ERBIN: variants seen among roughly 807,000 people sequenced by gnomAD.
The protein encoded by ERBIN is erbb2 interacting protein.
ERBIN carries 60 observed loss-of-function variants against 158.4 expected under a neutral mutation model. That is an observed-to-expected ratio of 0.38 (90% CI 0.31 to 0.47). ERBIN has a LOEUF of 0.47. ERBIN is among the 20% of genes least tolerant of loss of function. The pLI is 0.99. For missense variants in ERBIN, 1,610 were observed against 1,648.0 expected, an observed-to-expected ratio of 0.98 and a Z score of 0.40; for synonymous variants, 594 against 557.2, an observed-to-expected ratio of 1.07 and a Z score of -0.93.
At chr5:66,011,932 CTAGT>C in intron 4 of ERBIN, 113 bp from the exon 5 acceptor site, 2 of 558,962 alleles carry the variant, frequency 3.6e-6, no homozygotes, top group South Asian at 6.4e-5. Context: ...GTCAGTTCAT[CTAGT>C]TCCTTGTTAA....
At chr5:66,045,668 TC>T (rs1758363414) in intron 17 of ERBIN, among the ~76,000 whole-genome samples, 1 of 152,188 alleles carries the variant, frequency 6.6e-6, no homozygotes, top group Admixed American at 6.5e-5. Flanking sequence ...AAACAAATAA[TC>T]AGTGAAGTCC....
chr5:65,985,628 A>G (rs549433284), intron 1 of ERBIN, among the ~76,000 whole-genome samples: 8 of 152,240 alleles, frequency 5.3e-5, no homozygotes, highest in Non-Finnish European at 1.0e-4. Flanking sequence ...TACGAAAATT[A>G]TCAATGAGCT....
At chr5:65,993,446 T>C (rs953510776) in intron 3 of ERBIN, among the ~76,000 whole-genome samples, 5 of 152,198 alleles carry the variant, frequency 3.3e-5, no homozygotes, top group Non-Finnish European at 7.3e-5. Context: ...GTTGGTTTGT[T>C]GCCATGAAAC....
At chr5:65,977,885 G>T (rs948282067) in intron 1 of ERBIN, among the ~76,000 whole-genome samples, 2 of 151,780 alleles carry the variant, frequency 1.3e-5, no homozygotes. Flanking sequence ...CTGAGTGAAC[G>T]AGACTCCGTC....
chr5:66,025,935 T>C lies in ERBIN; in HGVS notation c.978T>C (p.Thr326=). ...SSIGQLTNLR[T]FAADHNYLQQ... is the part of the protein sequence containing the mutation. The stretch of plus-strand genomic sequence containing the variant: ...TTGGGCAGCTTACTAACTTAAGAAC[T>C]TTTGCTGCTGATCATAATTACTTAC... Residue 326 remains threonine, a synonymous_variant, in exon 12 of 26, where the codon ACT becomes ACC. Coordinates refer to ENST00000284037, the MANE Select transcript of ERBIN (RefSeq NM_001253697.2). 1 of 1,594,422 alleles carries C rather than the reference T, an allele frequency of 6.3e-7. No individual in the cohort carries two copies. The highest frequency in any genetic ancestry group is 2.3e-5 in the East Asian group (1 of 43,524).
intron 15 of ERBIN, among the ~76,000 whole-genome samples, chr5:66,039,848 T>C (rs1038053162): frequency 1.3e-5 from 2 of 151,958 alleles, no homozygotes; most frequent in African/African-American, 4.8e-5. Flanking sequence ...TTTACATTAG[T>C]TATCTCACAA....
chr5:65,973,355 A>G (rs1749482756), intron 1 of ERBIN, among the ~76,000 whole-genome samples: 1 of 151,232 alleles, frequency 6.6e-6, no homozygotes, highest in South Asian at 2.1e-4. Flanking sequence ...ATACGTATGT[A>G]ACAAACTTGC....
rs760310073 is a variant in ERBIN, at chr5:66,038,467, C to T, written c.1291C>T (p.Pro431Ser). Residue 431 changes from proline to serine, a missense_variant, in exon 15 of 26, where the codon CCA becomes TCA. Coordinates refer to ENST00000284037, the MANE Select transcript of ERBIN (RefSeq NM_001253697.2). The stretch of plus-strand genomic sequence containing the variant: ...TACCAACTACATGTTCCCTCAACAG[C>T]CAAGGACTGAGGATGGTAGGAATTT... ...VLTNYMFPQQPRTEDVMFISD... is the reference protein window; with the variant it reads ...VLTNYMFPQQSRTEDVMFISD... The T allele has an allele frequency of 6.2e-7, 1 of 1,607,202 alleles. No homozygotes were observed.
intron 1 of ERBIN, among the ~76,000 whole-genome samples, chr5:65,934,759 A>G (rs1743878636): frequency 6.6e-6 from 1 of 152,090 alleles, no homozygotes; most frequent in South Asian, 2.1e-4. Flanking sequence ...AACTATGTAA[A>G]TATTTTGTTT....
chr5:66,019,073 CA>C (rs1755403462), intron 7 of ERBIN, among the ~76,000 whole-genome samples: 1 of 152,108 alleles, frequency 6.6e-6, no homozygotes, highest in South Asian at 2.1e-4. Flanking sequence ...ATTCGTTTAT[CA>C]GTTCTAACAG....
intron 1 of ERBIN, among the ~76,000 whole-genome samples, chr5:65,985,441 T>G (rs1751121523): frequency 6.6e-6 from 1 of 152,246 alleles, no homozygotes; most frequent in African/African-American, 2.4e-5. Flanking sequence ...TACCTTTTAC[T>G]AAATCAGAAT....
At chr5:65,976,546 C>A (rs1196471117) in intron 1 of ERBIN, among the ~76,000 whole-genome samples, 1 of 135,886 alleles carries the variant, frequency 7.4e-6, no homozygotes, top group Non-Finnish European at 1.6e-5. Flanking sequence ...ATTGATCATT[C>A]TTGGGTGTTT....
At chr5:65,958,452 C>T (rs1049011776) in intron 1 of ERBIN, among the ~76,000 whole-genome samples, 9 of 152,174 alleles carry the variant, frequency 5.9e-5, no homozygotes, top group African/African-American at 2.2e-4. Flanking sequence ...AACCCCGTCT[C>T]CACCAAAAAA....
At chr5:65,949,217 T>G (rs1388320235) in intron 1 of ERBIN, among the ~76,000 whole-genome samples, 1 of 152,012 alleles carries the variant, frequency 6.6e-6, no homozygotes, top group African/African-American at 2.4e-5. Flanking sequence ...TATTCAGGAG[T>G]CAGGTATAGA....
chr5:66,059,038 A>G (rs1759951204), intron 21 of ERBIN, among the ~76,000 whole-genome samples: 3 of 152,016 alleles, frequency 2.0e-5, no homozygotes, highest in Admixed American at 1.3e-4. Context: ...TTGGTTCCAT[A>G]TGAACTTTAA....
Position 66,050,789 on chromosome 5 carries a change from C to T in ERBIN, c.1910C>T (p.Thr637Ile), listed in dbSNP as rs1758940195. Residue 637 changes from threonine (T) to isoleucine (I), a missense_variant, in exon 20 of 26, where the codon ACA becomes ATA. By Grantham distance (89) the Thr-to-Ile change is moderately conservative (BLOSUM62 -1). Transcript: ENST00000284037. ...TAAATTTGTTTTGTTTCAGATGATA[C>T]AAAGGAAACAGATTCTTTATCAGAT... ...VALSNNKKDD[T>I]KETDSLSDEV... 6.5e-7 allele frequency: 1 copy of T among 1,538,208 alleles called. No individual in the cohort carries two copies. Among genetic ancestry groups the T allele is most frequent in the East Asian group, 2.4e-5 (1 of 42,532 alleles).
chr5:65,994,900 G>A, intron 4 of ERBIN, 36 bp downstream of exon 4: 1 of 1,242,410 alleles, frequency 8.0e-7, no homozygotes, highest in South Asian at 1.3e-5. Flanking sequence ...TTTGTACTTG[G>A]GAACATGTTT....
chr5:66,050,897 A>G lies in ERBIN; in HGVS notation c.2018A>G (p.Asp673Gly), dbSNP rs1297068724. The change falls in exon 20 of 26, where the codon GAT (aspartate) becomes GGT (glycine). Residue 673 changes from aspartate to glycine, a missense_variant. This residue lies in a region of ERBIN where 1,014 missense variants were observed against 936.1 expected (regional missense o/e 1.08). Transcript: ENST00000284037. ...RMSDSVSLNT[D>G]SSQDTSLCSP... ...TCTGATTCAGTTTCTCTTAATACTG[A>G]TAGTAGTCAAGACACCTCACTCTGC... 3 of 1,606,662 alleles carry G rather than the reference A, an allele frequency of 1.9e-6. No individual in the cohort carries two copies. Among genetic ancestry groups the G allele is most frequent in the Non-Finnish European group, 2.5e-6 (3 of 1,177,674 alleles).
intron 11 of ERBIN, 122 bp from the exon 12 acceptor site, chr5:66,025,726 C>A: frequency 1.1e-6 from 1 of 884,572 alleles, no homozygotes; most frequent in Non-Finnish European, 1.7e-6. Context: ...TGAAGTTTAG[C>A]TTTGTGAAAT....
Sources: allele counts gnomAD v4.1 joint callset (sites outside exome capture counted in the v4.1 genomes callset), GRCh38; gene constraint gnomAD v4.1.1; regional missense constraint gnomAD v4.1.1; transcripts MANE v1.5; gene names NCBI Gene and HGNC (gene_info 2026-07-23, HGNC 2026-07-21).